ATRNL1: variants seen among roughly 807,000 people sequenced by gnomAD.
The protein encoded by ATRNL1 is attractin like 1, also known as attractin-like protein 1.
ATRNL1 carries 95 observed loss-of-function variants against 182.7 expected under a neutral mutation model. The ratio of observed to expected loss-of-function variants is 0.52; its 90% confidence interval spans 0.44 to 0.62. The LOEUF is 0.62. Among genes scored for constraint, ATRNL1 ranks in the 20% least tolerant of loss-of-function variants. The pLI is 0.00. For synonymous variants in ATRNL1, 576 were observed against 568.3 expected (o/e 1.01, Z -0.19); for missense variants, 1,471 against 1,679.5 (o/e 0.88, Z 2.17).
At chr10:115,227,202 G>A (rs1354524988) in intron 9 of ATRNL1, among the ~76,000 whole-genome samples, 3 of 151,952 alleles carry the variant, frequency 2.0e-5, no homozygotes, top group Non-Finnish European at 4.4e-5. Context: ...TCCGGAATCT[G>A]TAGAGAACTT....
At chr10:115,308,785 T>C (rs1853866090) in intron 17 of ATRNL1, among the ~76,000 whole-genome samples, 1 of 152,170 alleles carries the variant, frequency 6.6e-6, no homozygotes, top group African/African-American at 2.4e-5. Context: ...TTATGTATTT[T>C]TGTTTTTGTT....
chr10:115,644,016 G>C (rs1294128872), intron 26 of ATRNL1, among the ~76,000 whole-genome samples: 1 of 152,116 alleles, frequency 6.6e-6, no homozygotes, highest in Non-Finnish European at 1.5e-5. Context: ...GTATGTGAAC[G>C]TTTGTAGTGG....
chr10:115,347,220 CT>C (rs1363829656), intron 19 of ATRNL1, among the ~76,000 whole-genome samples: 33 of 152,182 alleles, frequency 2.2e-4, no homozygotes, highest in African/African-American at 6.3e-4. Flanking sequence ...TAATAGATGC[CT>C]GTTGTATTCA....
At chr10:115,712,029 C>A (rs7917642) in intron 26 of ATRNL1, among the ~76,000 whole-genome samples, 56,942 of 152,012 alleles carry the variant, frequency 0.37, 11,497 homozygotes, top group East Asian at 0.58. Flanking sequence ...AATTCCAAAA[C>A]CATTCTTCAG....
intron 24 of ATRNL1, among the ~76,000 whole-genome samples, chr10:115,509,733 A>G (rs868962522): frequency 6.6e-6 from 1 of 152,034 alleles, no homozygotes; most frequent in South Asian, 2.1e-4. Flanking sequence ...AGAATGGTCT[A>G]AGTACAATAA....
At chr10:115,761,265 A>G (rs1382831893) in intron 27 of ATRNL1, among the ~76,000 whole-genome samples, 2 of 152,200 alleles carry the variant, frequency 1.3e-5, no homozygotes, top group Non-Finnish European at 2.9e-5. Flanking sequence ...AAAGAAGCCA[A>G]TAATTACACT....
chr10:115,410,328 C>T lies in ATRNL1; in HGVS notation c.3269+15576C>T, dbSNP rs528849570. ...AGCCATTTCTCTTTAAAAATTGCTA[C>T]TTTTTTTTTTTTTTAACAGAGTCTT... On this transcript the variant is annotated intron_variant, in intron 20 of 28. Coordinates refer to ENST00000355044, the MANE Select transcript of ATRNL1 (RefSeq NM_207303.4). Among the ~76,000 whole-genome samples, 28 of 142,826 alleles carry T rather than the reference C, an allele frequency of 2.0e-4. No individual in the cohort carries two copies. The South Asian group carries it at 6.3e-3, about 32-fold the overall frequency. The allele number at this position is 142,826 out of a possible 152,430, so 93.7% of individuals were successfully genotyped here. A position where few individuals can be genotyped will look rare whatever the true frequency, so the allele number is the denominator to read the frequency against.
intron 24 of ATRNL1, among the ~76,000 whole-genome samples, chr10:115,501,697 A>C (rs114818443): frequency 0.025 from 3,754 of 152,306 alleles, 137 homozygotes; most frequent in African/African-American, 0.083. Flanking sequence ...AATTATTAGA[A>C]GCTATTAATA....
intron 10 of ATRNL1, 103 bp from the exon 11 acceptor site, chr10:115,265,090 T>G (rs1019945981): frequency 4.7e-6 from 3 of 640,568 alleles, no homozygotes; most frequent in Non-Finnish European, 7.7e-6. Context: ...TGCTTCCTGC[T>G]TATGCATAGT....
At chr10:115,703,490 T>C (rs954130835) in intron 26 of ATRNL1, among the ~76,000 whole-genome samples, 2 of 151,846 alleles carry the variant, frequency 1.3e-5, no homozygotes, top group East Asian at 1.9e-4. Flanking sequence ...AAACTACTTA[T>C]GACAGTGGTT....
chr10:115,304,762 TATGTGGGGCGGCCATATTCCCAAATAC>T (rs1413894768), intron 17 of ATRNL1, among the ~76,000 whole-genome samples: 2 of 152,050 alleles, frequency 1.3e-5, no homozygotes, highest in Non-Finnish European at 2.9e-5. Context: ...CACATGGGGA[TATGTGGGGCGGCCATATTCCCAAATAC>T]ATGTGGGGCA....
intron 26 of ATRNL1, among the ~76,000 whole-genome samples, chr10:115,716,219 G>C (rs2134030367): frequency 6.6e-6 from 1 of 152,164 alleles, no homozygotes; most frequent in Admixed American, 6.5e-5. Flanking sequence ...ATATTTAGCA[G>C]ATGTCTTCAC....
chr10:115,831,573 G>A (rs1555093738), intron 27 of ATRNL1, among the ~76,000 whole-genome samples: 1 of 152,100 alleles, frequency 6.6e-6, no homozygotes, highest in African/African-American at 2.4e-5. Flanking sequence ...AATTGGAAAG[G>A]TGTTCCCTGT....
intron 26 of ATRNL1, among the ~76,000 whole-genome samples, chr10:115,659,325 C>T (rs1053289540): frequency 6.6e-6 from 1 of 152,100 alleles, no homozygotes; most frequent in Non-Finnish European, 1.5e-5. Flanking sequence ...TCTCTTTCCT[C>T]TTAGGCACTG....
intron 19 of ATRNL1, among the ~76,000 whole-genome samples, chr10:115,335,434 A>T (rs1460843540): frequency 6.6e-6 from 1 of 152,092 alleles, no homozygotes; most frequent in Non-Finnish European, 1.5e-5. Flanking sequence ...ACTTTCTAAA[A>T]CAATTAAATC....
chr10:115,419,607 A>G (rs1463846725), intron 20 of ATRNL1, among the ~76,000 whole-genome samples: 2 of 152,210 alleles, frequency 1.3e-5, no homozygotes, highest in African/African-American at 4.8e-5. Flanking sequence ...TGGAACCCCA[A>G]AAAGAACAGA....
At chr10:115,893,555 T>C (rs1952132728) in intron 28 of ATRNL1, among the ~76,000 whole-genome samples, 2 of 152,228 alleles carry the variant, frequency 1.3e-5, no homozygotes, top group African/African-American at 4.8e-5. Context: ...CTTTATATCT[T>C]GCCTTCTTCT....
intron 26 of ATRNL1, among the ~76,000 whole-genome samples, chr10:115,661,893 G>A (rs568230322): frequency 6.6e-6 from 1 of 151,596 alleles, no homozygotes; most frequent in Non-Finnish European, 1.5e-5. Flanking sequence ...TTAACACGAG[G>A]TATATCTCCT....
chr10:115,825,084 T>C (rs1950397038), intron 27 of ATRNL1, among the ~76,000 whole-genome samples: 1 of 152,168 alleles, frequency 6.6e-6, no homozygotes, highest in African/African-American at 2.4e-5. Flanking sequence ...GTTCATGTCC[T>C]TTGCAGGGAC....
Sources: allele counts gnomAD v4.1 joint callset (sites outside exome capture counted in the v4.1 genomes callset), GRCh38; gene constraint gnomAD v4.1.1; transcripts MANE v1.5; gene names NCBI Gene and HGNC (gene_info 2026-07-23, HGNC 2026-07-21).